The following MPP7 variants were observed in gnomAD, a reference collection of about 807,000 sequenced individuals.
MPP7 encodes the protein MAGUK p55 scaffold protein 7, also known as MAGUK p55 subfamily member 7.
A neutral mutation model predicts 76.5 loss-of-function variants in MPP7; 60 were observed. That is an observed-to-expected ratio of 0.78 (90% CI 0.64 to 0.97). MPP7 has a LOEUF of 0.97. MPP7 is among the 50% of genes least tolerant of loss of function. MPP7 has a pLI of 0.00. For synonymous variants in MPP7, 237 were observed against 244.5 expected, an observed-to-expected ratio of 0.97 and a Z score of 0.29; for missense variants, 641 against 694.0, an observed-to-expected ratio of 0.92 and a Z score of 0.86.
chr10:28,131,572 A>AT lies in MPP7; in HGVS notation c.434dup (p.Asn145LysfsTer2). The AT allele has an allele frequency of 6.3e-7, 1 of 1,596,242 alleles. No homozygotes were observed. Among genetic ancestry groups the AT allele is most frequent in the Non-Finnish European group, 8.5e-7 (1 of 1,169,774 alleles). ...CACCAAAACTCACCAGTGGTTCTCT[A>AT]TTTTTGACCAGACGGATTATTTTTA... On this transcript the variant is annotated frameshift_variant, in exon 6 of 17. Coordinates refer to ENST00000683449, the MANE Select transcript of MPP7 (RefSeq NM_001318170.2). LOFTEE classifies it high-confidence loss of function.
At chr10:28,290,969 T>C (rs905528212) in intron 1 of MPP7, among the ~76,000 whole-genome samples, 3 of 152,240 alleles carry the variant, frequency 2.0e-5, no homozygotes, top group Admixed American at 2.0e-4. Flanking sequence ...ACTTATTCTC[T>C]TGTTACAAAA....
chr10:28,214,333 ATG>A (rs1165418466), intron 2 of MPP7, among the ~76,000 whole-genome samples: 1 of 152,218 alleles, frequency 6.6e-6, no homozygotes, highest in Non-Finnish European at 1.5e-5. Context: ...TACTGCTGTC[ATG>A]TTCCCATTCT....
At chr10:28,071,686 A>G (rs1852247486) in intron 12 of MPP7, among the ~76,000 whole-genome samples, 1 of 152,218 alleles carries the variant, frequency 6.6e-6, no homozygotes, top group Admixed American at 6.5e-5. Flanking sequence ...ATGTATTTCA[A>G]TATGTAAATT....
At chr10:28,131,417 G>C in intron 6 of MPP7, 143 bp downstream of exon 6, 2 of 632,514 alleles carry the variant, frequency 3.2e-6, no homozygotes, top group Non-Finnish European at 4.5e-6. Flanking sequence ...TTTTTCAAAA[G>C]CATGTTCTTT....
intron 2 of MPP7, among the ~76,000 whole-genome samples, chr10:28,323,418 A>G (rs1834384320): frequency 1.3e-5 from 2 of 151,782 alleles, no homozygotes; most frequent in South Asian, 4.2e-4. Flanking sequence ...GCACCACTGT[A>G]CTCTAGCCTA....
intron 13 of MPP7, 108 bp from the exon 14 acceptor site, chr10:28,059,851 A>G: frequency 1.4e-6 from 1 of 735,224 alleles, no homozygotes; most frequent in Non-Finnish European, 2.3e-6. Flanking sequence ...CAGGATTTAA[A>G]AATGTATTTA....
chr10:28,178,191 C>T (rs1369322895), intron 3 of MPP7, among the ~76,000 whole-genome samples: 2 of 152,036 alleles, frequency 1.3e-5, no homozygotes, highest in African/African-American at 2.4e-5. Context: ...CTCCTAGATG[C>T]CAGCAGTACC....
rs751401725 is a variant in MPP7, at chr10:28,058,510, CAACA to C, written c.1388_1391del (p.Leu463TrpfsTer8). On this transcript the variant is annotated frameshift_variant, in exon 15 of 17. Transcript: ENST00000683449. LOFTEE classifies it high-confidence loss of function. ...GTTTACTTACATGAGGCTGAACATC[CAACA>C]AACAAACTTTGTTTTTAGCAAGGAC... 6 of 1,598,104 alleles carry C rather than the reference CAACA, an allele frequency of 3.8e-6. No individual in the cohort carries two copies. In the East Asian group the frequency reaches 6.8e-5, roughly 18 times the overall value.
At position 28,183,116 on chromosome 10, in the gene MPP7, G is replaced by A. The variant is rs117555237; in HGVS notation, c.156+19037C>T. Among the ~76,000 whole-genome samples the A allele has an allele frequency of 9.1e-3, 1,389 of 152,196 alleles. 23 individuals are homozygous for A. Among genetic ancestry groups the A allele is most frequent in the East Asian group, 0.058 (301 of 5,178 alleles). ...AAAAAAAGAGCAAGTTGAGGAAAGA[G>A]GAATGTGTCATGTAAATATGATTCT... On this transcript the variant is annotated intron_variant, in intron 3 of 16. Coordinates refer to ENST00000683449, the MANE Select transcript of MPP7 (RefSeq NM_001318170.2).
At chr10:28,134,926 C>T (rs780395682) in intron 5 of MPP7, among the ~76,000 whole-genome samples, 2 of 151,928 alleles carry the variant, frequency 1.3e-5, no homozygotes, top group Non-Finnish European at 2.9e-5. Context: ...GAATTGTGTA[C>T]CCAGCAAAAG....
At chr10:28,104,338 G>A (rs1179658390) in intron 11 of MPP7, among the ~76,000 whole-genome samples, 1 of 152,150 alleles carries the variant, frequency 6.6e-6, no homozygotes, top group Non-Finnish European at 1.5e-5. Flanking sequence ...AAGTGGGATT[G>A]GGAGGAAAAC....
chr10:28,085,149 T>C (rs1342958794), intron 12 of MPP7, among the ~76,000 whole-genome samples: 1 of 152,186 alleles, frequency 6.6e-6, no homozygotes, highest in African/African-American at 2.4e-5. Flanking sequence ...AATTTTAAGA[T>C]TGGAAGCCAT....
intron 1 of MPP7, among the ~76,000 whole-genome samples, chr10:28,293,182 A>G (rs888955200): frequency 2.0e-5 from 3 of 152,220 alleles, no homozygotes; most frequent in African/African-American, 4.8e-5. Context: ...AAAAAAGAAG[A>G]AAACTGCTAT....
At chr10:28,216,196 A>G (rs956128737) in intron 2 of MPP7, among the ~76,000 whole-genome samples, 11 of 151,782 alleles carry the variant, frequency 7.2e-5, no homozygotes, top group African/African-American at 2.7e-4. Context: ...TGAGCAACAT[A>G]GCAAGACCCC....
At chr10:28,080,993 A>G (rs950561496) in intron 12 of MPP7, among the ~76,000 whole-genome samples, 4 of 152,212 alleles carry the variant, frequency 2.6e-5, no homozygotes, top group African/African-American at 9.6e-5. Context: ...GTTATGCCAC[A>G]GTTTTATGAA....
rs1476106886 is a variant in MPP7 at position 28,143,615 on chromosome 10, A to T, written c.315+3868T>A. Among the ~76,000 whole-genome samples, 4 of 141,142 alleles carry T rather than the reference A, an allele frequency of 2.8e-5. No individual in the cohort carries two copies. In the East Asian group the frequency reaches 7.7e-4, roughly 27 times the overall value. 92.6% of individuals were successfully genotyped at this position (141,142 alleles called of 152,430 possible). ...TCAAATGCTTTTCTATTCCATGATA[A>T]CATAACTTACAAATTTTCTTCTAAT... On this transcript the variant is annotated intron_variant, in intron 5 of 16. Coordinates refer to ENST00000683449, the MANE Select transcript of MPP7 (RefSeq NM_001318170.2).
At chr10:28,115,414 T>A (rs1446785264) in intron 11 of MPP7, among the ~76,000 whole-genome samples, 1 of 152,200 alleles carries the variant, frequency 6.6e-6, no homozygotes, top group Non-Finnish European at 1.5e-5. Context: ...ATGTTAGGTA[T>A]TTTTTAAAAC....
intron 12 of MPP7, among the ~76,000 whole-genome samples, chr10:28,080,748 A>C (rs761276093): frequency 6.6e-6 from 1 of 152,218 alleles, no homozygotes; most frequent in Non-Finnish European, 1.5e-5. Context: ...ACTCCAGTGA[A>C]GATCACATTT....
intron 2 of MPP7, among the ~76,000 whole-genome samples, chr10:28,324,902 G>C (rs532895018): frequency 5.3e-5 from 8 of 152,282 alleles, no homozygotes; most frequent in Admixed American, 5.2e-4. Context: ...ACTTGCCTAA[G>C]TCTATAAGTG....
Sources: allele counts gnomAD v4.1 joint callset (sites outside exome capture counted in the v4.1 genomes callset), GRCh38; gene constraint gnomAD v4.1.1; transcripts MANE v1.5; gene names NCBI Gene and HGNC (gene_info 2026-07-23, HGNC 2026-07-21).